Variants in GPC6 observed in about 807,000 individuals in gnomAD.
The protein encoded by GPC6 is glypican 6.
A neutral mutation model predicts 55.2 loss-of-function variants in GPC6; 14 were observed. That is an observed-to-expected ratio of 0.25 (90% CI 0.17 to 0.40). The LOEUF is 0.40. GPC6 is among the 10% of genes least tolerant of loss of function. GPC6 has a pLI of 1.00. For missense variants in GPC6, 641 were observed against 708.5 expected, an observed-to-expected ratio of 0.90 and a Z score of 1.08; for synonymous variants, 278 against 259.6, an observed-to-expected ratio of 1.07 and a Z score of -0.68.
In GPC6 at chr13:94,360,216, C is replaced by T. The variant is rs571987126; in HGVS notation, c.1153-22198C>T. Among the ~76,000 whole-genome samples, 7 of 152,194 alleles carry T rather than the reference C, an allele frequency of 4.6e-5. No individual in the cohort carries two copies. The South Asian group carries it at 1.5e-3, about 32-fold the overall frequency. ...TAGGACTTTCATTTTTTCACACTTG[C>T]CTGTTAGAGAAATGGCATAAGTTTT... On this transcript the variant is annotated intron_variant, in intron 6 of 8. Coordinates refer to ENST00000377047, the MANE Select transcript of GPC6 (RefSeq NM_005708.5).
chr13:93,500,653 A>T (rs745717881), intron 1 of GPC6, among the ~76,000 whole-genome samples: 2 of 152,198 alleles, frequency 1.3e-5, no homozygotes, highest in Non-Finnish European at 2.9e-5. Flanking sequence ...AATATTTTTT[A>T]AAGTTTTTAA....
At chr13:94,002,846 C>G (rs986121696) in intron 3 of GPC6, among the ~76,000 whole-genome samples, 2 of 152,064 alleles carry the variant, frequency 1.3e-5, no homozygotes, top group Non-Finnish European at 2.9e-5. Context: ...TTGAAAATAT[C>G]CTACTGAAGC....
At chr13:94,019,108 G>T (rs1383479513) in intron 3 of GPC6, among the ~76,000 whole-genome samples, 1 of 152,096 alleles carries the variant, frequency 6.6e-6, no homozygotes, top group Non-Finnish European at 1.5e-5. Flanking sequence ...CTCATCTTCT[G>T]TTTTTTGGAA....
intron 4 of GPC6, among the ~76,000 whole-genome samples, chr13:94,238,371 T>C (rs1261310099): frequency 1.3e-5 from 2 of 152,110 alleles, no homozygotes; most frequent in South Asian, 2.1e-4. Flanking sequence ...CCTTGTGTGC[T>C]CCACATTCTG....
intron 2 of GPC6, among the ~76,000 whole-genome samples, chr13:93,791,625 G>A (rs1294072892): frequency 6.6e-6 from 1 of 150,978 alleles, no homozygotes; most frequent in East Asian, 1.9e-4. Context: ...TTTTTTTCAT[G>A]GCACATTAAT....
chr13:94,112,839 C>CT (rs1437086218), intron 4 of GPC6, among the ~76,000 whole-genome samples: 8 of 151,382 alleles, frequency 5.3e-5, no homozygotes, highest in Admixed American at 2.6e-4. Context: ...TTTCTTTTTC[C>CT]TTTTTTTTCA....
chr13:93,339,927 G>A (rs531274727), intron 1 of GPC6, among the ~76,000 whole-genome samples: 1 of 151,624 alleles, frequency 6.6e-6, no homozygotes, highest in South Asian at 2.1e-4. Context: ...ACTAGAATTA[G>A]GCACATTACA....
intron 1 of GPC6, among the ~76,000 whole-genome samples, chr13:93,299,775 A>G (rs566099836): frequency 2.0e-5 from 3 of 152,332 alleles, no homozygotes; most frequent in Admixed American, 1.3e-4. Context: ...ACTCTTTTTA[A>G]AGTTATAAAT....
At chr13:94,233,298 G>A (rs928256308) in intron 4 of GPC6, among the ~76,000 whole-genome samples, 1 of 151,984 alleles carries the variant, frequency 6.6e-6, no homozygotes, top group African/African-American at 2.4e-5. Flanking sequence ...AAAAAAGACA[G>A]GCCTAAGAGG....
intron 3 of GPC6, among the ~76,000 whole-genome samples, chr13:93,871,227 T>G (rs1451219200): frequency 1.3e-5 from 2 of 151,944 alleles, no homozygotes; most frequent in Admixed American, 1.3e-4. Flanking sequence ...TTTGGCAAGT[T>G]ATTTAAATAC....
chr13:93,232,788 C>G (rs111495940), intron 1 of GPC6, among the ~76,000 whole-genome samples: 1 of 152,030 alleles, frequency 6.6e-6, no homozygotes, highest in Non-Finnish European at 1.5e-5. Flanking sequence ...TTGAGTAGTT[C>G]TAACCTAAAA....
At chr13:94,033,888 A>G (rs1184911176) in intron 4 of GPC6, among the ~76,000 whole-genome samples, 1 of 152,196 alleles carries the variant, frequency 6.6e-6, no homozygotes, top group Non-Finnish European at 1.5e-5. Context: ...TTAATAATAC[A>G]GTCTAGAAAC....
intron 1 of GPC6, among the ~76,000 whole-genome samples, chr13:93,298,334 T>C (rs888285303): frequency 6.6e-6 from 1 of 152,220 alleles, no homozygotes; most frequent in African/African-American, 2.4e-5. Flanking sequence ...TTCAGGATTT[T>C]GCTTCTGCTT....
At chr13:93,891,574 T>C (rs1461105602) in intron 3 of GPC6, among the ~76,000 whole-genome samples, 1 of 152,164 alleles carries the variant, frequency 6.6e-6, no homozygotes, top group African/African-American at 2.4e-5. Flanking sequence ...ATTTGGTCTT[T>C]ATACAATTTA....
At chr13:94,085,691 C>T (rs1885257757) in intron 4 of GPC6, among the ~76,000 whole-genome samples, 1 of 152,144 alleles carries the variant, frequency 6.6e-6, no homozygotes, top group Non-Finnish European at 1.5e-5. Context: ...CTGTATGAGA[C>T]ACAGAAAGCA....
At chr13:93,454,543 G>A (rs1245166985) in intron 1 of GPC6, among the ~76,000 whole-genome samples, 1 of 150,714 alleles carries the variant, frequency 6.6e-6, no homozygotes, top group Non-Finnish European at 1.5e-5. Context: ...CACAAACCCT[G>A]AGCTAGACAC....
At chr13:93,588,589 CT>C (rs749246197) in intron 2 of GPC6, among the ~76,000 whole-genome samples, 3 of 152,122 alleles carry the variant, frequency 2.0e-5, no homozygotes, top group Non-Finnish European at 2.9e-5. Flanking sequence ...GTTCTGCAGG[CT>C]TTACAGGAAG....
At chr13:93,231,690 G>A (rs1431799712) in intron 1 of GPC6, among the ~76,000 whole-genome samples, 1 of 151,682 alleles carries the variant, frequency 6.6e-6, no homozygotes, top group African/African-American at 2.4e-5. Flanking sequence ...GTTTCTTTCA[G>A]TATACTAGGC....
At chr13:94,031,101 T>C (rs1022061378) in intron 4 of GPC6, among the ~76,000 whole-genome samples, 10 of 148,412 alleles carry the variant, frequency 6.7e-5, no homozygotes, top group African/African-American at 2.5e-4. Context: ...TGCGTGTGTG[T>C]GTGCGTGCAT....
Sources: gnomAD v4.1 joint callset for allele counts (sites outside exome capture counted in the v4.1 genomes callset) on GRCh38, gnomAD v4.1.1 for gene constraint, MANE v1.5 for transcripts, NCBI Gene and HGNC (gene_info 2026-07-23, HGNC 2026-07-21) for gene names.